The following GFM2 variants were observed in gnomAD, a reference collection of about 807,000 sequenced individuals.
GFM2 encodes the protein GTP dependent ribosome recycling factor mitochondrial 2.
A neutral mutation model predicts 95.4 loss-of-function variants in GFM2; 72 were observed. That is an observed-to-expected ratio of 0.76 (90% CI 0.62 to 0.92). The LOEUF (loss-of-function observed/expected upper bound fraction) is 0.92. Ranked by LOEUF, GFM2 falls within the 40% of genes least tolerant of loss-of-function variation. The pLI, the probability that GFM2 is intolerant of heterozygous loss-of-function variation, is 0.00. For synonymous variants in GFM2, 276 were observed against 317.5 expected, an observed-to-expected ratio of 0.87 and a Z score of 1.39; for missense variants, 825 against 924.1, an observed-to-expected ratio of 0.89 and a Z score of 1.39.
Position 74,721,800 on chromosome 5 carries a change from A to C in GFM2, c.2212-17T>G. 1 of 1,594,770 alleles carries C rather than the reference A, an allele frequency of 6.3e-7. No individual in the cohort carries two copies. Among genetic ancestry groups the C allele is most frequent in the Non-Finnish European group, 8.5e-7 (1 of 1,173,930 alleles). On this transcript the variant is annotated splice_polypyrimidine_tract_variant and intron_variant, in intron 20 of 20. Coordinates refer to ENST00000296805, the MANE Select transcript of GFM2 (RefSeq NM_032380.5). ...TGAATAACCCTAATCAAAATAATTTAAGTCATTTATATTATCAAATTTAAG... is the reference window on the plus strand; with the variant it reads ...TGAATAACCCTAATCAAAATAATTTCAGTCATTTATATTATCAAATTTAAG...
chr5:74,734,431 C>T (rs548670535), intron 15 of GFM2, among the ~76,000 whole-genome samples: 24 of 152,034 alleles, frequency 1.6e-4, no homozygotes, highest in African/African-American at 5.1e-4. Flanking sequence ...CCTTGACATC[C>T]CAAAGTGGGC....
intron 17 of GFM2, among the ~76,000 whole-genome samples, chr5:74,728,017 A>G (rs190112087): frequency 1.2e-4 from 18 of 152,132 alleles, no homozygotes; most frequent in African/African-American, 4.1e-4. Flanking sequence ...CAGCTTTCCA[A>G]TCCTCAGCCT....
intron 15 of GFM2, 57 bp downstream of exon 15, chr5:74,736,739 C>T: frequency 6.2e-7 from 1 of 1,602,576 alleles, no homozygotes; most frequent in East Asian, 2.2e-5. Context: ...TATATTGCAA[C>T]TATTTTATAT....
In GFM2 at chr5:74,738,653, A is replaced by C; in HGVS notation, c.1080-11T>G. ...TCCTTATACCACTGCCTATAAAATA[A>C]ACATTCCAAAAAGGCCTATAAAATA... On this transcript the variant is annotated splice_polypyrimidine_tract_variant and intron_variant, in intron 12 of 20. Transcript: ENST00000296805. 6.3e-7 allele frequency: 1 copy of C among 1,592,020 alleles called. No homozygotes were observed. Among genetic ancestry groups the C allele is most frequent in the Non-Finnish European group, 8.5e-7 (1 of 1,171,922 alleles).
intron 5 of GFM2, among the ~76,000 whole-genome samples, chr5:74,757,842 T>C (rs975176740): frequency 6.6e-6 from 1 of 151,128 alleles, no homozygotes; most frequent in Non-Finnish European, 1.5e-5. Context: ...AAACCAGTCA[T>C]AGAAAGACAA....
At position 74,765,315 on chromosome 5, in the gene GFM2, C is replaced by A. The variant is rs184670301; in HGVS notation, c.-24-1549G>T. ...TGCTTTCTAGATATCAGCGTTAATGCAGTGAACAAAAGACAACAATCTCTG... is the reference window on the plus strand; with the variant it reads ...TGCTTTCTAGATATCAGCGTTAATGAAGTGAACAAAAGACAACAATCTCTG... On this transcript the variant is annotated intron_variant, in intron 1 of 20. Coordinates refer to ENST00000296805, the MANE Select transcript of GFM2 (RefSeq NM_032380.5). 3.9e-3 allele frequency among the ~76,000 whole-genome samples: 600 copies of A among 152,268 alleles called. 2 individuals carry two copies. Among genetic ancestry groups the A allele is most frequent in the African/African-American group, 0.014 (578 of 41,528 alleles).
chr5:74,721,890 G>T, intron 20 of GFM2, 107 bp from the exon 21 acceptor site: 1 of 1,062,552 alleles, frequency 9.4e-7, no homozygotes, highest in Non-Finnish European at 1.3e-6. Context: ...TGCCACTTTT[G>T]TGGCTTAGCC....
intron 19 of GFM2, among the ~76,000 whole-genome samples, chr5:74,724,759 C>A (rs981444305): frequency 3.3e-5 from 5 of 152,112 alleles, no homozygotes; most frequent in African/African-American, 1.2e-4. Flanking sequence ...GTCTCAAACA[C>A]AGTCCAAGTA....
At chr5:74,733,554 A>G (rs2112243731) in intron 15 of GFM2, among the ~76,000 whole-genome samples, 1 of 152,230 alleles carries the variant, frequency 6.6e-6, no homozygotes, top group South Asian at 2.1e-4. Context: ...TGCTGTTGGG[A>G]AAAAGAGCAA....
chr5:74,750,196 TACA>T (rs1274213297), intron 7 of GFM2, among the ~76,000 whole-genome samples: 1 of 152,178 alleles, frequency 6.6e-6, no homozygotes, highest in African/African-American at 2.4e-5. Context: ...TATCTAAAGT[TACA>T]ACAACAGAAA....
chr5:74,757,864 T>C (rs1744077157), intron 5 of GFM2, among the ~76,000 whole-genome samples: 1 of 152,076 alleles, frequency 6.6e-6, no homozygotes, highest in South Asian at 2.1e-4. Flanking sequence ...TACTTACGAT[T>C]CCATTTATAT....
intron 16 of GFM2, chr5:74,730,863 G>GA (rs1742528497): frequency 1.3e-5 from 2 of 153,248 alleles, no homozygotes; most frequent in Admixed American, 1.3e-4. Context: ...GCCCAGGCTG[G>GA]AGTGCAATGG....
intron 17 of GFM2, among the ~76,000 whole-genome samples, chr5:74,728,301 ATATTG>A (rs1435713406): frequency 1.2e-4 from 18 of 152,192 alleles, no homozygotes; most frequent in African/African-American, 3.1e-4. Context: ...CATGTATTTT[ATATTG>A]TATTTTTACA....
In GFM2 at chr5:74,725,924, T is replaced by G; in HGVS notation, c.1912+17A>C. On this transcript the variant is annotated intron_variant, in intron 18 of 20. Transcript: ENST00000296805. ...TTGAGTGGGATACTAATGCTTACTC[T>G]CATTTGAGTGTCTTACCTTGGAGAC... The G allele has an allele frequency of 1.3e-6, 2 of 1,598,314 alleles. No homozygotes were observed. The highest frequency in any genetic ancestry group is 2.7e-5 in the African/African-American group (2 of 74,258).
chr5:74,747,220 G>C (rs11950373), intron 8 of GFM2, among the ~76,000 whole-genome samples: 3,678 of 152,234 alleles, frequency 0.024, 155 homozygotes, highest in African/African-American at 0.084. Flanking sequence ...AGGTCTTACA[G>C]CATCTACATT....
chr5:74,735,766 T>C (rs1742803117), intron 15 of GFM2, among the ~76,000 whole-genome samples: 1 of 152,178 alleles, frequency 6.6e-6, no homozygotes, highest in African/African-American at 2.4e-5. Context: ...ACTATAGTTT[T>C]ATTCTAATTT....
chr5:74,751,560 T>C (rs562273986), intron 5 of GFM2, 67 bp from the exon 6 acceptor site: 4 of 1,187,916 alleles, frequency 3.4e-6, no homozygotes, highest in Admixed American at 3.8e-5. Context: ...GCTCAATATC[T>C]ACCTGACACA....
intron 15 of GFM2, among the ~76,000 whole-genome samples, chr5:74,736,154 G>A (rs1255261391): frequency 6.6e-6 from 1 of 152,134 alleles, no homozygotes; most frequent in African/African-American, 2.4e-5. Context: ...GCTTCTGTTA[G>A]GAGATAGAGA....
At chr5:74,762,762 T>C (rs551215260) in intron 2 of GFM2, among the ~76,000 whole-genome samples, 2 of 152,164 alleles carry the variant, frequency 1.3e-5, no homozygotes, top group African/African-American at 2.4e-5. Context: ...GGGGAGTGTA[T>C]ACAATGTGGA....
Sources: gnomAD v4.1 joint callset for allele counts (sites outside exome capture counted in the v4.1 genomes callset) on GRCh38, gnomAD v4.1.1 for gene constraint, MANE v1.5 for transcripts, NCBI Gene and HGNC (gene_info 2026-07-23, HGNC 2026-07-21) for gene names.